Variants in CCDC88B observed in about 807,000 individuals in gnomAD.
CCDC88B encodes the protein coiled-coil and HOOK domain protein 88B, also known as coiled-coil domain-containing protein 88B.
CCDC88B carries 138 observed loss-of-function variants against 183.7 expected under a neutral mutation model. The ratio of observed to expected loss-of-function variants is 0.75; its 90% confidence interval spans 0.65 to 0.87. The LOEUF (loss-of-function observed/expected upper bound fraction) is 0.87. Among genes scored for constraint, CCDC88B ranks in the 40% least tolerant of loss-of-function variants. CCDC88B has a pLI of 0.00. For missense variants in CCDC88B, 1,822 were observed against 1,965.6 expected (o/e 0.93, Z 1.38); for synonymous variants, 835 against 867.5 (o/e 0.96, Z 0.66).
intron 14 of CCDC88B, among the ~76,000 whole-genome samples, chr11:64,345,812 G>A (rs568960277): frequency 1.3e-5 from 2 of 152,314 alleles, no homozygotes; most frequent in Admixed American, 1.3e-4. Flanking sequence ...TTCTATACCA[G>A]CCTGGCCAAC....
chr11:64,342,366 C>T lies in CCDC88B; in HGVS notation c.894C>T (p.Leu298=). 6.3e-7 allele frequency: 1 copy of T among 1,584,682 alleles called. No homozygotes were observed. Among genetic ancestry groups the T allele is most frequent in the Non-Finnish European group, 8.6e-7 (1 of 1,166,142 alleles). ...GTTTGGAGGCCGAAATAAGAAGGCT[C>T]CGCCAGGAGGTGCGCTCACATGCTC... The part of the protein sequence containing the change: ...VQGLEAEIRR[L]RQEAQALSGQ... Residue 298 remains leucine, a synonymous_variant, in exon 9 of 27, where the codon CTC becomes CTT. Transcript: ENST00000356786.
Position 64,344,087 on chromosome 11 carries a change from C to G in CCDC88B, c.1546C>G (p.Gln516Glu). Residue 516 changes from glutamine (Q) to glutamate (E), a missense_variant, in exon 14 of 27, where the codon CAG (glutamine) becomes GAG (glutamate). Physicochemically the swap from Gln to Glu is conservative, Grantham distance 29. Coordinates refer to ENST00000356786, the MANE Select transcript of CCDC88B (RefSeq NM_032251.6). This position sits in a 1 kb window ranked among gnomAD's most constrained non-coding sequence, Gnocchi z 4.5. ...TCCTGTGGCCTTCGACCACAGCCCT[C>G]AGGGCTTGGTTCAGAAGGCAAGGGA... Reference protein sequence around the residue: ...QTPVAFDHSPQGLVQKARDGG... With the variant: ...QTPVAFDHSPEGLVQKARDGG... 1 of 1,612,372 alleles carries G rather than the reference C, an allele frequency of 6.2e-7. No homozygotes were observed.
chr11:64,351,407 G>A (rs2036325652), intron 17 of CCDC88B, 69 bp from the exon 18 acceptor site: 2 of 1,543,284 alleles, frequency 1.3e-6, no homozygotes, highest in Non-Finnish European at 8.7e-7. Flanking sequence ...CAGTGTGAGT[G>A]TGGGCCTGTG....
At chr11:64,346,945 C>A (rs992608582) in intron 14 of CCDC88B, among the ~76,000 whole-genome samples, 1 of 151,782 alleles carries the variant, frequency 6.6e-6, no homozygotes, top group African/African-American at 2.4e-5. Flanking sequence ...CAGGTGCATG[C>A]CACCATGCCC....
chr11:64,353,605 C>A, intron 22 of CCDC88B, 109 bp downstream of exon 22: 1 of 1,575,706 alleles, frequency 6.3e-7, no homozygotes. Flanking sequence ...CCTTCCAGGT[C>A]AGTCCAATCT....
Position 64,351,480 on chromosome 11 carries a change from C to A in CCDC88B, c.2963C>A (p.Ala988Glu), listed in dbSNP as rs761381854. 17 of 1,586,726 alleles carry A rather than the reference C, an allele frequency of 1.1e-5. No homozygotes were observed. The highest frequency in any genetic ancestry group is 5.1e-6 in the Non-Finnish European group (6 of 1,173,720). The change falls in exon 18 of 27, where the codon GCG becomes GAG. Residue 988 changes from alanine (A) to glutamate (E), a missense_variant. Ala to Glu is a moderately radical substitution (Grantham distance 107). Coordinates refer to ENST00000356786, the MANE Select transcript of CCDC88B (RefSeq NM_032251.6). ...CTAACCCCCACTTCTGGGCAGAATGCGATGCTGGTGGCAGAGAAGGCAGCT... is the reference window on the plus strand; with the variant it reads ...CTAACCCCCACTTCTGGGCAGAATGAGATGCTGGTGGCAGAGAAGGCAGCT... ...VRLIEVERSN[A>E]MLVAEKAALQ...
chr11:64,342,692 A>G lies in CCDC88B; in HGVS notation c.1062+12A>G, dbSNP rs540695935. On this transcript the variant is annotated intron_variant, in intron 10 of 26. Transcript: ENST00000356786. The stretch of plus-strand genomic sequence containing the variant: ...AGAGTCAGCTGGAGGTGAGGCGGAG[A>G]CGGAGCCGCGGGGCGGGGCGTGCGC... 3 of 1,469,256 alleles carry G rather than the reference A, an allele frequency of 2.0e-6. No individual in the cohort carries two copies. Among genetic ancestry groups the G allele is most frequent in the Non-Finnish European group, 2.7e-6 (3 of 1,117,086 alleles). 91.0% of individuals were successfully genotyped at this position (1,469,256 alleles called of 1,614,324 possible). A position where few individuals can be genotyped will look rare whatever the true frequency, so the allele number is the denominator to read the frequency against.
chr11:64,351,013 T>G, intron 16 of CCDC88B, 147 bp from the exon 17 acceptor site: 1 of 535,064 alleles, frequency 1.9e-6, no homozygotes, highest in Non-Finnish European at 3.2e-6. Flanking sequence ...AGCAGGGACT[T>G]GTGGGATCCA....
chr11:64,349,002 C>G (rs926333679), intron 14 of CCDC88B: 2 of 717,356 alleles, frequency 2.8e-6, no homozygotes, highest in African/African-American at 3.5e-5. Context: ...GGCAGCCCAC[C>G]GGGCGCATCC....
At chr11:64,342,933 G>T in intron 10 of CCDC88B, 1 of 535,630 alleles carries the variant, frequency 1.9e-6, no homozygotes, top group Non-Finnish European at 3.2e-6. Context: ...GGGGGGGAGG[G>T]GCGGGGCATG....
At position 64,344,333 on chromosome 11, in the gene CCDC88B, C is replaced by T. The variant is rs555595897; in HGVS notation, c.1792C>T (p.Leu598Phe). 1.9e-6 allele frequency: 3 copies of T among 1,608,774 alleles called. No homozygotes were observed. The highest frequency in any genetic ancestry group is 2.5e-6 in the Non-Finnish European group (3 of 1,178,130). Residue 598 changes from leucine (L) to phenylalanine (F), a missense_variant, in exon 14 of 27, where the codon CTC (leucine) becomes TTC (phenylalanine). Physicochemically the swap from Leu to Phe is conservative, Grantham distance 22 (BLOSUM62 0). Transcript: ENST00000356786. This position sits in a 1 kb window ranked among gnomAD's most constrained non-coding sequence, Gnocchi z 4.5. ...SPEKAGRRSS[L>F]QSPASVAPPQ... ...GGAGAAGGCTGGCCGTAGATCCTCT[C>T]TCCAGAGCCCTGCCTCTGTGGCCCC...
intron 14 of CCDC88B, among the ~76,000 whole-genome samples, chr11:64,348,049 CAAAAAAA>C (rs551644268): frequency 1.4e-5 from 1 of 70,924 alleles, no homozygotes; most frequent in African/African-American, 5.8e-5. Context: ...GACTCCGTCT[CAAAAAAA>C]AAAAAAAAAA....
chr11:64,340,530 C>T, intron 1 of CCDC88B, 77 bp from the exon 2 acceptor site: 2 of 1,542,918 alleles, frequency 1.3e-6, no homozygotes, highest in South Asian at 1.2e-5. Context: ...AGAAGGGGTG[C>T]TTGGGCTCAC....
intron 9 of CCDC88B, 37 bp from the exon 10 acceptor site, chr11:64,342,485 C>T (rs1427748012): frequency 5.9e-6 from 9 of 1,529,350 alleles, no homozygotes; most frequent in Non-Finnish European, 7.9e-6. Flanking sequence ...CTCTGGCCCG[C>T]GGCTGGCTGT....
chr11:64,343,873 C>T lies in CCDC88B; in HGVS notation c.1414C>T (p.Arg472Trp), dbSNP rs765670261. ...CCTTGAGAGGGAGAACCGGGAGCTT[C>T]GGGGGCTGCTTCAGGTGCTTCAGGG... ...RTLERENREL[R>W]GLLQVLQGQP... The change falls in exon 13 of 27, where the codon CGG becomes TGG. Residue 472 changes from arginine to tryptophan, a missense_variant. Physicochemically the swap from Arg to Trp is moderately radical, Grantham distance 101. Transcript: ENST00000356786. 75 of 1,605,242 alleles carry T rather than the reference C, an allele frequency of 4.7e-5. No homozygotes were observed. The highest frequency in any genetic ancestry group is 4.0e-4 in the South Asian group (36 of 89,744).
intron 26 of CCDC88B, 100 bp downstream of exon 26, chr11:64,355,728 C>G (rs1247628491): frequency 8.3e-7 from 1 of 1,200,304 alleles, no homozygotes; most frequent in African/African-American, 1.5e-5. Context: ...TGATCCTTTA[C>G]CAAGTGCCAG....
In CCDC88B at chr11:64,343,337, A is replaced by G. The variant is rs1362822844; in HGVS notation, c.1209+12A>G. 1 of 1,549,718 alleles carries G rather than the reference A, an allele frequency of 6.5e-7. No individual in the cohort carries two copies. Among genetic ancestry groups the G allele is most frequent in the South Asian group, 1.2e-5 (1 of 83,988 alleles). On this transcript the variant is annotated intron_variant, in intron 11 of 26. Coordinates refer to ENST00000356786, the MANE Select transcript of CCDC88B (RefSeq NM_032251.6). ...GCGAGGCCCATGCGGTAAGGTAGCC[A>G]GAGTGATCCCACTTGGGTTGCCCCG... is the stretch of plus-strand genomic sequence containing the variant.
rs1429270710 is a variant in CCDC88B at position 64,341,589 on chromosome 11, T to G, written c.532-10T>G. The G allele has an allele frequency of 6.2e-7, 1 of 1,603,052 alleles. No homozygotes were observed. The highest frequency in any genetic ancestry group is 1.3e-5 in the African/African-American group (1 of 74,912). On this transcript the variant is annotated splice_polypyrimidine_tract_variant and intron_variant, in intron 6 of 26. Coordinates refer to ENST00000356786, the MANE Select transcript of CCDC88B (RefSeq NM_032251.6). ...GCGGCTTCCACTGAACTGCTCTTCC[T>G]GCGCCCCAGGTGACCCAGCCGGGGG...
At position 64,342,320 on chromosome 11, in the gene CCDC88B, A is replaced by G. The variant is rs763577324; in HGVS notation, c.848A>G (p.Asp283Gly). The change falls in exon 9 of 27, where the codon GAC becomes GGC. Residue 283 changes from aspartate to glycine, a missense_variant. Transcript: ENST00000356786. ...ELEEKAELLL[D>G]SQAEVQGLEA... ...GAGGAGAAGGCCGAGCTGCTGCTAG[A>G]CTCCCAGGCCGAGGTGCAGGGTTTG... 6.3e-7 allele frequency: 1 copy of G among 1,593,836 alleles called. No individual in the cohort carries two copies. The highest frequency in any genetic ancestry group is 1.1e-5 in the South Asian group (1 of 87,892).
Sources: gnomAD v4.1 joint callset for allele counts (sites outside exome capture counted in the v4.1 genomes callset) on GRCh38, gnomAD v4.1.1 for gene constraint, Gnocchi (gnomAD v3.1) non-coding constraint, MANE v1.5 for transcripts, NCBI Gene and HGNC (gene_info 2026-07-23, HGNC 2026-07-21) for gene names.